ARK2C: variants seen among roughly 807,000 people sequenced by gnomAD.
The protein encoded by ARK2C is arkadia (RNF111) C-terminal like ring finger ubiquitin ligase 2C, also known as E3 ubiquitin-protein ligase ARK2C.
At chr18:46,439,222 G>T in the ARK2C span, among the ~76,000 whole-genome samples, 1 of 152,220 alleles carries the variant, frequency 6.6e-6, no homozygotes. Context: ...TCCCCTGAAG[G>T]CTGATGGCTT....
chr18:46,447,182 C>A, the ARK2C span, among the ~76,000 whole-genome samples: 63 of 152,264 alleles, frequency 4.1e-4, no homozygotes, highest in African/African-American at 1.5e-3. Context: ...AAAATATAGC[C>A]TCAGCTCCCT....
At chr18:46,443,938 C>G in the ARK2C span, among the ~76,000 whole-genome samples, 1 of 152,140 alleles carries the variant, frequency 6.6e-6, no homozygotes, top group Non-Finnish European at 1.5e-5. Context: ...TAACAGTCTC[C>G]TAGCAGTGCA....
At chr18:46,423,104 T>C in the ARK2C span, among the ~76,000 whole-genome samples, 1 of 152,220 alleles carries the variant, frequency 6.6e-6, no homozygotes, top group Non-Finnish European at 1.5e-5. Flanking sequence ...AGGAGTTTCC[T>C]TCAACCTTTC....
At chr18:46,447,733 C>T in the ARK2C span, 3 of 1,613,120 alleles carry the variant, frequency 1.9e-6, no homozygotes, top group Non-Finnish European at 1.7e-6. Flanking sequence ...CTATTGAGTG[C>T]CAGTGGTGGT....
the ARK2C span, among the ~76,000 whole-genome samples, chr18:46,393,871 T>G: frequency 6.6e-6 from 1 of 152,246 alleles, no homozygotes; most frequent in Non-Finnish European, 1.5e-5. Context: ...CTCTGCCACT[T>G]CGTGGCTCTG....
the ARK2C span, chr18:46,334,812 ATTCATTT>A: frequency 2.1e-4 from 49 of 229,946 alleles, no homozygotes; most frequent in Middle Eastern, 1.4e-3. The surrounding 1 kb of genome is among the most constrained non-coding windows in gnomAD (Gnocchi z 4.4). Flanking sequence ...TGTGTTTTGT[ATTCATTT>A]TTTGTTCATT....
the ARK2C span, among the ~76,000 whole-genome samples, chr18:46,398,617 T>C: frequency 6.6e-6 from 1 of 151,308 alleles, no homozygotes; most frequent in Non-Finnish European, 1.5e-5. Flanking sequence ...AGGGCTGGAG[T>C]TGGGCTGACA....
At chr18:46,338,430 A>C in the ARK2C span, among the ~76,000 whole-genome samples, 2 of 152,206 alleles carry the variant, frequency 1.3e-5, no homozygotes, top group South Asian at 4.1e-4. Flanking sequence ...GTTAAAGCTG[A>C]TTATAGCCTA....
the ARK2C span, among the ~76,000 whole-genome samples, chr18:46,338,978 C>G: frequency 6.6e-6 from 1 of 152,200 alleles, no homozygotes; most frequent in Admixed American, 6.5e-5. Flanking sequence ...CCCATGGCTG[C>G]CCTCTCTGCT....
the ARK2C span, among the ~76,000 whole-genome samples, chr18:46,444,041 GT>G: frequency 4.0e-5 from 6 of 151,880 alleles, no homozygotes; most frequent in Non-Finnish European, 5.9e-5. Context: ...TAAGTTTACA[GT>G]TTTTTTTCCC....
the ARK2C span, among the ~76,000 whole-genome samples, chr18:46,416,611 C>G: frequency 6.6e-6 from 1 of 152,204 alleles, no homozygotes; most frequent in African/African-American, 2.4e-5. Flanking sequence ...AAACAACAAC[C>G]TTTTATGCAG....
the ARK2C span, among the ~76,000 whole-genome samples, chr18:46,416,360 A>G: frequency 2.6e-5 from 4 of 152,302 alleles, no homozygotes; most frequent in East Asian, 7.7e-4. Context: ...GTCATCATCC[A>G]TCCTTCCCTC....
chr18:46,338,557 C>G, the ARK2C span, among the ~76,000 whole-genome samples: 1 of 152,086 alleles, frequency 6.6e-6, no homozygotes, highest in Non-Finnish European at 1.5e-5. Context: ...AAGGGGAAAT[C>G]AGGAGTAAAG....
chr18:46,456,791 A>T, the ARK2C span: 1 of 638,076 alleles, frequency 1.6e-6, no homozygotes. Context: ...ATCGGTGTCG[A>T]GGGAGAGGAG....
chr18:46,401,522 T>A, the ARK2C span, among the ~76,000 whole-genome samples: 1 of 152,190 alleles, frequency 6.6e-6, no homozygotes, highest in African/African-American at 2.4e-5. Flanking sequence ...GTGAAGTGAT[T>A]TGCCCATGAT....
chr18:46,415,291 T>C, the ARK2C span, among the ~76,000 whole-genome samples: 1 of 152,084 alleles, frequency 6.6e-6, no homozygotes, highest in Non-Finnish European at 1.5e-5. Context: ...GAGGCCGAGG[T>C]GGGCGGATCA....
At chr18:46,384,145 T>C in the ARK2C span, among the ~76,000 whole-genome samples, 1 of 152,252 alleles carries the variant, frequency 6.6e-6, no homozygotes, top group Non-Finnish European at 1.5e-5. Context: ...GCAGGGCTTT[T>C]ACTGTCCAAG....
the ARK2C span, among the ~76,000 whole-genome samples, chr18:46,405,511 G>A: frequency 6.6e-6 from 1 of 152,200 alleles, no homozygotes; most frequent in East Asian, 1.9e-4. Flanking sequence ...GGGAGTGGCT[G>A]TTGGCGATGT....
chr18:46,402,924 T>C, the ARK2C span, among the ~76,000 whole-genome samples: 2 of 152,232 alleles, frequency 1.3e-5, no homozygotes, highest in African/African-American at 4.8e-5. Context: ...TAGACAGTGC[T>C]TCCTCTAGTC....
Sources: allele counts gnomAD v4.1 joint callset (sites outside exome capture counted in the v4.1 genomes callset), GRCh38; gene constraint gnomAD v4.1.1; non-coding constraint Gnocchi (gnomAD v3.1); transcripts MANE v1.5; gene names NCBI Gene and HGNC (gene_info 2026-07-23, HGNC 2026-07-21).